Variants in NOVA1 observed in about 807,000 individuals in gnomAD.
NOVA1 encodes the protein NOVA alternative splicing regulator 1.
In NOVA1, 7 loss-of-function variants were observed where a neutral mutation model predicts 38.0. That is an observed-to-expected ratio of 0.18 (90% CI 0.10 to 0.35). NOVA1 has a LOEUF of 0.35. NOVA1 is among the 10% of genes least tolerant of loss of function. The pLI, the probability that NOVA1 is intolerant of heterozygous loss-of-function variation, is 1.00. For synonymous variants in NOVA1, 270 were observed against 232.5 expected (o/e 1.16, Z -1.47); for missense variants, 460 against 616.0 (o/e 0.75, Z 2.68).
At chr14:26,515,604 T>C (rs567542595) in intron 2 of NOVA1, among the ~76,000 whole-genome samples, 1 of 152,096 alleles carries the variant, frequency 6.6e-6, no homozygotes, top group African/African-American at 2.4e-5. Context: ...TAGTCTATCA[T>C]GGTTACTTTA....
Position 26,487,981 on chromosome 14 carries a change from C to A in NOVA1, c.281-7838G>T, listed in dbSNP as rs1044028498. ...CAGCTTTTATACCACTGTACAGTTA[C>A]GCACATTTGATAATACTTCCTCCTA... On this transcript the variant is annotated intron_variant, in intron 2 of 4. Coordinates refer to ENST00000539517, the MANE Select transcript of NOVA1 (RefSeq NM_002515.3). 3.3e-5 allele frequency among the ~76,000 whole-genome samples: 5 copies of A among 151,984 alleles called. No homozygotes were observed. In the East Asian group the frequency reaches 7.7e-4, roughly 23 times the overall value.
intron 2 of NOVA1, among the ~76,000 whole-genome samples, chr14:26,527,182 T>G (rs912661555): frequency 1.9e-4 from 29 of 152,308 alleles, no homozygotes; most frequent in Non-Finnish European, 2.6e-4. Context: ...CCAAAGTCTG[T>G]TATATTTTCA....
chr14:26,528,603 G>GA (rs993606171), intron 2 of NOVA1, among the ~76,000 whole-genome samples: 2 of 152,090 alleles, frequency 1.3e-5, no homozygotes, highest in Non-Finnish European at 2.9e-5. Flanking sequence ...GTGGGTAGAA[G>GA]AAACATTAAT....
At chr14:26,569,231 T>C (rs1267212436) in intron 2 of NOVA1, among the ~76,000 whole-genome samples, 1 of 152,120 alleles carries the variant, frequency 6.6e-6, no homozygotes, top group Admixed American at 6.5e-5. Flanking sequence ...GGTTTGAACA[T>C]TTACAGTAAA....
intron 2 of NOVA1, among the ~76,000 whole-genome samples, chr14:26,564,718 C>A (rs78252774): frequency 6.6e-6 from 1 of 152,116 alleles, no homozygotes; most frequent in East Asian, 1.9e-4. Flanking sequence ...TTCTGCCTCA[C>A]TTCAAAACCT....
intron 3 of NOVA1, chr14:26,479,041 T>G (rs1380142433): frequency 6.6e-6 from 1 of 151,858 alleles, no homozygotes; most frequent in Non-Finnish European, 1.5e-5. Flanking sequence ...TTCAGAAACA[T>G]GAAATTAATA....
intron 2 of NOVA1, among the ~76,000 whole-genome samples, chr14:26,506,768 C>T (rs867581702): frequency 1.4e-4 from 21 of 151,956 alleles, no homozygotes; most frequent in Non-Finnish European, 2.2e-4. Context: ...TTAGTAGAGA[C>T]GGGGATTCAT....
chr14:26,481,988 T>TTAAAAAAAAAAAAAAAAAAAAAAAAA (rs922159329), intron 2 of NOVA1, among the ~76,000 whole-genome samples: 1 of 105,986 alleles, frequency 9.4e-6, no homozygotes, highest in African/African-American at 5.1e-5. Flanking sequence ...TAGATAGAGA[T>TTAAAAAAAAAAAAAAAAAAAAAAAAA]AAAAAAAAAA....
intron 2 of NOVA1, among the ~76,000 whole-genome samples, chr14:26,516,255 G>A (rs1888453868): frequency 6.6e-6 from 1 of 151,992 alleles, no homozygotes; most frequent in Admixed American, 6.6e-5. Flanking sequence ...TTTCCTTATT[G>A]ATTTGAAGGC....
chr14:26,574,267 A>ACACCCCCCCCCCCC (rs1566550098), intron 2 of NOVA1, among the ~76,000 whole-genome samples: 2 of 47,924 alleles, frequency 4.2e-5, no homozygotes, highest in Non-Finnish European at 7.1e-5. Flanking sequence ...CTCGTGATCC[A>ACACCCCCCCCCCCC]CCCCCCCCCC....
At chr14:26,452,636 T>G (rs996203252) in intron 4 of NOVA1, among the ~76,000 whole-genome samples, 1 of 152,144 alleles carries the variant, frequency 6.6e-6, no homozygotes, top group African/African-American at 2.4e-5. Context: ...CTGAGAAAAA[T>G]ACACATATTC....
At chr14:26,453,179 T>A (rs1244964392) in intron 4 of NOVA1, among the ~76,000 whole-genome samples, 1 of 47,018 alleles carries the variant, frequency 2.1e-5, no homozygotes, top group Non-Finnish European at 6.3e-5. Flanking sequence ...TATGTATGTA[T>A]GTATGTATGT....
intron 4 of NOVA1, among the ~76,000 whole-genome samples, chr14:26,457,108 T>A (rs1883245834): frequency 6.6e-6 from 1 of 152,014 alleles, no homozygotes; most frequent in Non-Finnish European, 1.5e-5. Context: ...CTTTGTCTTA[T>A]TTTTTAAAAG....
At chr14:26,595,963 A>G (rs1219301352) in intron 1 of NOVA1, 2 of 393,822 alleles carry the variant, frequency 5.1e-6, no homozygotes, top group East Asian at 1.6e-4. Flanking sequence ...AAAAAGAAGA[A>G]AAGCCCAGGA....
chr14:26,574,765 T>C (rs1394239936), intron 2 of NOVA1, among the ~76,000 whole-genome samples: 1 of 152,122 alleles, frequency 6.6e-6, no homozygotes, highest in Non-Finnish European at 1.5e-5. Context: ...CATGTGATCA[T>C]CCTATGACAG....
chr14:26,501,490 C>A (rs1739980635), intron 2 of NOVA1, among the ~76,000 whole-genome samples: 1 of 151,810 alleles, frequency 6.6e-6, no homozygotes, highest in Non-Finnish European at 1.5e-5. Context: ...GGAAAAAAAT[C>A]ACTGGAAGTG....
At chr14:26,457,532 T>C (rs1311862475) in intron 4 of NOVA1, among the ~76,000 whole-genome samples, 1 of 152,110 alleles carries the variant, frequency 6.6e-6, no homozygotes, top group Non-Finnish European at 1.5e-5. Context: ...TCTCATATGT[T>C]TGTGGTGATG....
chr14:26,578,175 A>G (rs1892981266), intron 2 of NOVA1, among the ~76,000 whole-genome samples: 1 of 152,166 alleles, frequency 6.6e-6, no homozygotes, highest in Admixed American at 6.5e-5. Flanking sequence ...AGAAGCTACC[A>G]GTGACTTTAA....
intron 1 of NOVA1, 99 bp downstream of exon 1, chr14:26,597,198 CGCGG>C: frequency 1.1e-6 from 1 of 935,098 alleles, no homozygotes; most frequent in South Asian, 5.7e-5. Flanking sequence ...GTGTCCGGGC[CGCGG>C]GAGGGAGGGA....
Sources: allele counts gnomAD v4.1 joint callset (sites outside exome capture counted in the v4.1 genomes callset), GRCh38; gene constraint gnomAD v4.1.1; transcripts MANE v1.5; gene names NCBI Gene and HGNC (gene_info 2026-07-23, HGNC 2026-07-21).